OXR1: variants seen among roughly 807,000 people sequenced by gnomAD.
OXR1 encodes the protein oxidation resistance 1, also known as oxidation resistance protein 1.
Under a neutral mutation model 104.6 loss-of-function variants are expected in OXR1, and 41 were observed. The observed-to-expected ratio is 0.39, with a 90% CI of 0.31 to 0.51. The LOEUF is 0.51. OXR1 is among the 20% of genes least tolerant of loss of function. OXR1 has a pLI of 0.77. For synonymous variants in OXR1, 348 were observed against 348.4 expected (o/e 1.00, Z 0.01); for missense variants, 955 against 1,031.9 (o/e 0.93, Z 1.02).
chr8:106,749,138 C>T (rs1171940497), intron 16 of OXR1, among the ~76,000 whole-genome samples: 1 of 151,596 alleles, frequency 6.6e-6, no homozygotes, highest in African/African-American at 2.4e-5. Context: ...GTCAGGAGAT[C>T]GATACCATCC....
At chr8:106,459,536 T>C (rs1820793916) in intron 2 of OXR1, among the ~76,000 whole-genome samples, 1 of 151,880 alleles carries the variant, frequency 6.6e-6, no homozygotes, top group Non-Finnish European at 1.5e-5. Flanking sequence ...CATACTCTTA[T>C]CTGAAAAAAA....
chr8:106,449,345 G>A (rs1312160689), intron 2 of OXR1, among the ~76,000 whole-genome samples: 2 of 152,082 alleles, frequency 1.3e-5, no homozygotes, highest in African/African-American at 4.8e-5. Flanking sequence ...ATAGAATATG[G>A]TTTAGTCACA....
chr8:106,560,236 G>T (rs901180225), intron 3 of OXR1, among the ~76,000 whole-genome samples: 14 of 152,190 alleles, frequency 9.2e-5, no homozygotes, highest in African/African-American at 2.9e-4. Flanking sequence ...AGGAAATGCA[G>T]TTGTAAAAGG....
intron 3 of OXR1, among the ~76,000 whole-genome samples, chr8:106,597,005 A>G (rs1819583166): frequency 1.3e-5 from 2 of 152,118 alleles, no homozygotes; most frequent in African/African-American, 4.8e-5. Flanking sequence ...GTGAGCTGAG[A>G]TCGCACCACT....
chr8:106,436,325 T>A (rs1563522236), intron 2 of OXR1, among the ~76,000 whole-genome samples: 1 of 152,110 alleles, frequency 6.6e-6, no homozygotes. Flanking sequence ...ATTCAAATTT[T>A]CACTTCTGGT....
chr8:106,568,506 C>T (rs1326020197), intron 3 of OXR1, among the ~76,000 whole-genome samples: 1 of 152,014 alleles, frequency 6.6e-6, no homozygotes, highest in Non-Finnish European at 1.5e-5. Flanking sequence ...GCAGATAAAA[C>T]ATAAAAGACA....
At chr8:106,648,771 C>G (rs1360455195) in intron 3 of OXR1, among the ~76,000 whole-genome samples, 1 of 152,062 alleles carries the variant, frequency 6.6e-6, no homozygotes, top group Non-Finnish European at 1.5e-5. Flanking sequence ...ATTAAATATT[C>G]TAGCAACTAA....
At chr8:106,714,814 G>A (rs1171305532) in intron 11 of OXR1, among the ~76,000 whole-genome samples, 2 of 152,050 alleles carry the variant, frequency 1.3e-5, no homozygotes, top group Admixed American at 6.6e-5. Context: ...TGATATGAAT[G>A]TATCTTGCAT....
chr8:106,350,404 A>C (rs117594486), intron 1 of OXR1, among the ~76,000 whole-genome samples: 222 of 152,288 alleles, frequency 1.5e-3, no homozygotes, highest in Non-Finnish European at 2.4e-3. Flanking sequence ...TATGGTAAAT[A>C]CTTCCTGTAA....
At chr8:106,710,295 A>C (rs1003083354) in intron 9 of OXR1, among the ~76,000 whole-genome samples, 1 of 149,014 alleles carries the variant, frequency 6.7e-6, no homozygotes, top group Non-Finnish European at 1.5e-5. Flanking sequence ...AATTATATAT[A>C]TATTATGTGT....
chr8:106,339,223 T>C (rs930534393), intron 1 of OXR1, among the ~76,000 whole-genome samples: 3 of 151,814 alleles, frequency 2.0e-5, no homozygotes, highest in African/African-American at 4.8e-5. Context: ...TGGCTGGGCG[T>C]GGTGGCTCAC....
At chr8:106,736,209 T>C (rs1011136970) in intron 11 of OXR1, among the ~76,000 whole-genome samples, 11 of 145,262 alleles carry the variant, frequency 7.6e-5, no homozygotes, top group African/African-American at 2.5e-4. Context: ...TAACAGCTTC[T>C]GGTTTCTAAG....
chr8:106,628,447 C>T (rs1822368136), intron 3 of OXR1, among the ~76,000 whole-genome samples: 1 of 151,996 alleles, frequency 6.6e-6, no homozygotes, highest in African/African-American at 2.4e-5. Flanking sequence ...GGCAACTTTC[C>T]CAAGGTCACA....
chr8:106,328,069 C>G (rs1285795730), intron 1 of OXR1, among the ~76,000 whole-genome samples: 1 of 152,180 alleles, frequency 6.6e-6, no homozygotes, highest in African/African-American at 2.4e-5. Context: ...CTGTGCATTT[C>G]TCTCACTTCA....
intron 3 of OXR1, among the ~76,000 whole-genome samples, chr8:106,635,615 T>C (rs1462867238): frequency 2.6e-5 from 4 of 152,094 alleles, no homozygotes; most frequent in African/African-American, 7.2e-5. Flanking sequence ...CAGCTAATTT[T>C]TGTATTTTTA....
rs570055049 is a variant in OXR1 at position 106,384,041 on chromosome 8, G to A, written c.23+24405G>A. 2.1e-4 allele frequency among the ~76,000 whole-genome samples: 32 copies of A among 152,276 alleles called. No homozygotes were observed. In the South Asian group the frequency reaches 5.8e-3, roughly 28 times the overall value. ...GGGCAAGGGGGAAGACTTCATCTGT[G>A]TGCTATAGTAGTTAGATCACATGTA... On this transcript the variant is annotated intron_variant, in intron 2 of 16. Coordinates refer to ENST00000517566, the MANE Select transcript of OXR1 (RefSeq NM_001198533.2).
intron 2 of OXR1, among the ~76,000 whole-genome samples, chr8:106,423,477 A>G (rs992292790): frequency 2.6e-5 from 4 of 152,142 alleles, no homozygotes; most frequent in African/African-American, 9.7e-5. Flanking sequence ...ATACTCTAGA[A>G]GCAATTTGAA....
intron 2 of OXR1, among the ~76,000 whole-genome samples, chr8:106,446,434 A>G (rs1025832032): frequency 1.3e-5 from 2 of 152,056 alleles, no homozygotes; most frequent in African/African-American, 4.8e-5. Flanking sequence ...CCTGACCAAC[A>G]TGGTGAAACC....
chr8:106,720,711 C>G, intron 11 of OXR1: 1 of 978,674 alleles, frequency 1.0e-6, no homozygotes, highest in Non-Finnish European at 1.2e-6. Context: ...AGAGATACTA[C>G]AAGGAGAGGA....
Sources: allele counts gnomAD v4.1 joint callset (sites outside exome capture counted in the v4.1 genomes callset), GRCh38; gene constraint gnomAD v4.1.1; transcripts MANE v1.5; gene names NCBI Gene and HGNC (gene_info 2026-07-23, HGNC 2026-07-21).